The following GPR176 variants were observed in gnomAD, a reference collection of about 807,000 sequenced individuals.
GPR176 encodes G-protein coupled receptor 176.
GPR176 carries 26 observed loss-of-function variants against 35.4 expected under a neutral mutation model. That is an observed-to-expected ratio of 0.74 (90% CI 0.54 to 1.02). The LOEUF (loss-of-function observed/expected upper bound fraction) is 1.02. GPR176 is among the 50% of genes least tolerant of loss of function. The pLI, the probability that GPR176 is intolerant of heterozygous loss-of-function variation, is 0.00. For missense variants in GPR176, 597 were observed against 665.3 expected (o/e 0.90, Z 1.13); for synonymous variants, 278 against 271.3 (o/e 1.02, Z -0.24).
chr15:39,889,327 C>A (rs2140856920), intron 1 of GPR176, among the ~76,000 whole-genome samples: 1 of 152,220 alleles, frequency 6.6e-6, no homozygotes, highest in East Asian at 1.9e-4. Context: ...GTGGGTGGAT[C>A]ACCTGAGGTT....
intron 2 of GPR176, among the ~76,000 whole-genome samples, chr15:39,802,653 T>G (rs1044754244): frequency 5.3e-5 from 8 of 152,230 alleles, no homozygotes; most frequent in Non-Finnish European, 1.0e-4. Context: ...AAAGGGTAAT[T>G]GGTAAACAAT....
At chr15:39,859,543 T>C (rs1277790111) in intron 1 of GPR176, among the ~76,000 whole-genome samples, 3 of 148,668 alleles carry the variant, frequency 2.0e-5, no homozygotes, top group African/African-American at 2.5e-5. Context: ...TGCAGAGAAA[T>C]TGGAACCTTT....
chr15:39,915,939 C>T (rs952423007), intron 1 of GPR176, among the ~76,000 whole-genome samples: 2 of 152,098 alleles, frequency 1.3e-5, no homozygotes, highest in African/African-American at 4.8e-5. Context: ...GGGTTATTGC[C>T]CACCATGTTA....
At chr15:39,857,029 A>T (rs141667533) in intron 1 of GPR176, among the ~76,000 whole-genome samples, 7 of 152,298 alleles carry the variant, frequency 4.6e-5, no homozygotes, top group Admixed American at 4.6e-4. Flanking sequence ...AGTGCACAGT[A>T]GGCATTCCAT....
chr15:39,832,375 G>A (rs1018895887), intron 1 of GPR176, among the ~76,000 whole-genome samples: 8 of 152,056 alleles, frequency 5.3e-5, no homozygotes, highest in African/African-American at 1.7e-4. Flanking sequence ...AATTGCTGCT[G>A]TAACAAATTA....
Position 39,919,920 on chromosome 15 carries a change from T to C in GPR176, c.107A>G (p.Glu36Gly), listed in dbSNP as rs2033832121. ...GGTGAACTGGCGGTACAGCTGCGCC[T>C]CGCCGAACTCCCCGAGCGCGCTGCG... ...VNRSALGEFGEAQLYRQFTTT... is the reference protein window; with the variant it reads ...VNRSALGEFGGAQLYRQFTTT... The change falls in exon 1 of 3, where the codon GAG becomes GGG. Residue 36 changes from glutamate (E) to glycine (G), a missense_variant. By Grantham distance (98) the Glu-to-Gly change is moderately conservative. Around this residue, in one of 3 missense-constraint regions of GPR176, gnomAD observed 126 missense variants for 112.4 expected, o/e 1.12. Coordinates refer to ENST00000561100, the MANE Select transcript of GPR176 (RefSeq NM_007223.3). 2.0e-6 allele frequency: 3 copies of C among 1,525,604 alleles called. No individual in the cohort carries two copies. The highest frequency in any genetic ancestry group is 2.6e-6 in the Non-Finnish European group (3 of 1,140,698). The allele number at this position is 1,525,604 out of a possible 1,614,324, so 94.5% of individuals were successfully genotyped here. A position where few individuals can be genotyped will look rare whatever the true frequency, so the allele number is the denominator to read the frequency against.
At chr15:39,878,747 T>C (rs1276002756) in intron 1 of GPR176, among the ~76,000 whole-genome samples, 3 of 152,250 alleles carry the variant, frequency 2.0e-5, no homozygotes, top group Non-Finnish European at 4.4e-5. Flanking sequence ...TTCATACCAG[T>C]GTACGAGGTT....
intron 1 of GPR176, among the ~76,000 whole-genome samples, chr15:39,863,383 A>T (rs879787578): frequency 7.3e-5 from 11 of 151,666 alleles, no homozygotes; most frequent in Non-Finnish European, 1.0e-4. Context: ...TTTTCTATTT[A>T]AAATAGAATA....
intron 1 of GPR176, among the ~76,000 whole-genome samples, chr15:39,892,790 C>A (rs1191091306): frequency 6.6e-6 from 1 of 152,244 alleles, no homozygotes; most frequent in East Asian, 1.9e-4. Context: ...AGGAACCAGC[C>A]CTGCCGGCAG....
Position 39,801,462 on chromosome 15 carries a change from A to C in GPR176, c.1218T>G (p.Phe406Leu). ...GSADFQAKEIFSTCLEGEQGP... is the reference protein window; with the variant it reads ...GSADFQAKEILSTCLEGEQGP... ...CCTGCTCTCCCTCCAGGCAGGTGCT[A>C]AATATCTCCTTGGCCTGGAAGTCAG... The change falls in exon 3 of 3, where the codon TTT becomes TTG. Residue 406 changes from phenylalanine to leucine, a missense_variant. This residue lies in a region of GPR176 where 251 missense variants were observed against 255.4 expected (regional missense o/e 0.98). Transcript: ENST00000561100. 6.2e-7 allele frequency: 1 copy of C among 1,614,120 alleles called. No individual in the cohort carries two copies. Among genetic ancestry groups the C allele is most frequent in the Non-Finnish European group, 8.5e-7 (1 of 1,179,990 alleles).
chr15:39,898,266 G>A (rs1028197622), intron 1 of GPR176, among the ~76,000 whole-genome samples: 1 of 151,402 alleles, frequency 6.6e-6, no homozygotes, highest in African/African-American at 2.4e-5. Flanking sequence ...CAAGATTTAC[G>A]GTGACTTTGC....
intron 2 of GPR176, among the ~76,000 whole-genome samples, chr15:39,806,549 T>C (rs1899200461): frequency 6.6e-6 from 1 of 152,234 alleles, no homozygotes; most frequent in East Asian, 1.9e-4. Context: ...AGAGGAATTC[T>C]GGTGTTACCT....
At chr15:39,832,601 T>C (rs1420443022) in intron 1 of GPR176, among the ~76,000 whole-genome samples, 1 of 149,780 alleles carries the variant, frequency 6.7e-6, no homozygotes, top group Admixed American at 6.7e-5. Context: ...GGAAGAAAAA[T>C]TGTCTTGGGC....
chr15:39,828,911 G>A (rs1220872384), intron 1 of GPR176, among the ~76,000 whole-genome samples: 1 of 152,198 alleles, frequency 6.6e-6, no homozygotes, highest in African/African-American at 2.4e-5. Context: ...TGGAATGTAA[G>A]TAGATTTAGT....
chr15:39,905,615 G>A (rs2033399107), intron 1 of GPR176, among the ~76,000 whole-genome samples: 1 of 151,980 alleles, frequency 6.6e-6, no homozygotes, highest in Non-Finnish European at 1.5e-5. Flanking sequence ...TCATATAAAT[G>A]GAATTGAAAT....
Position 39,800,572 on chromosome 15 carries a change from G to A in GPR176, c.*560C>T, listed in dbSNP as rs1015065270. Reference sequence around the variant, plus strand: ...TTACCTACATCCCAATGAAAGGGACGAAGGGTATCAGGAGAAACAGTGAGT... The same window carrying A: ...TTACCTACATCCCAATGAAAGGGACAAAGGGTATCAGGAGAAACAGTGAGT... On this transcript the variant is annotated 3_prime_UTR_variant, in exon 3 of 3. Transcript: ENST00000561100. The A allele has an allele frequency of 2.1e-4, 33 of 154,294 alleles. No homozygotes were observed. Among genetic ancestry groups the A allele is most frequent in the Non-Finnish European group, 3.2e-4 (22 of 69,354 alleles). The allele number at this position is 154,294 out of a possible 1,614,324, so 9.6% of individuals were successfully genotyped here.
intron 1 of GPR176, among the ~76,000 whole-genome samples, chr15:39,895,290 A>AGAGGGG (rs377575598): frequency 5.8e-3 from 8 of 1,378 alleles, no homozygotes; most frequent in Non-Finnish European, 8.3e-3. Context: ...GGGGAGAGGA[A>AGAGGGG]GAGGGGGAGG....
chr15:39,893,911 A>AC lies in GPR176; in HGVS notation c.172+25943dup, dbSNP rs1328463509. Among the ~76,000 whole-genome samples the AC allele has an allele frequency of 2.2e-3, 119 of 53,558 alleles. 12 individuals are homozygous for AC. Among genetic ancestry groups the AC allele is most frequent in the African/African-American group, 9.4e-3 (113 of 12,050 alleles). The allele number at this position is 53,558 out of a possible 152,430, so 35.1% of individuals were successfully genotyped here. A position where few individuals can be genotyped will look rare whatever the true frequency, so the allele number is the denominator to read the frequency against. ...GGGCGGCTGGCCGGGTTGGGGGCTG[A>AC]CCCCCCCCAACCTCCCTCCCGGACG... On this transcript the variant is annotated intron_variant, in intron 1 of 2. Transcript: ENST00000561100.
chr15:39,902,422 G>C (rs1364474808), intron 1 of GPR176, among the ~76,000 whole-genome samples: 2 of 152,206 alleles, frequency 1.3e-5, no homozygotes, highest in Non-Finnish European at 2.9e-5. Flanking sequence ...GCATCCTGCA[G>C]AGAAACAGGC....
Sources: allele counts gnomAD v4.1 joint callset (sites outside exome capture counted in the v4.1 genomes callset), GRCh38; gene constraint gnomAD v4.1.1; regional missense constraint gnomAD v4.1.1; transcripts MANE v1.5; gene names NCBI Gene and HGNC (gene_info 2026-07-23, HGNC 2026-07-21).